Variants in SCAPER observed in about 807,000 individuals in gnomAD.
SCAPER encodes the protein S phase cyclin A-associated protein in the endoplasmic reticulum.
SCAPER carries 98 observed loss-of-function variants against 182.2 expected under a neutral mutation model. The ratio of observed to expected loss-of-function variants is 0.54; its 90% CI spans 0.46 to 0.64. The LOEUF (loss-of-function observed/expected upper bound fraction) is 0.64, where lower values mean the gene tolerates loss of function less well. Among genes scored for constraint, SCAPER ranks in the 30% least tolerant of loss-of-function variants. The pLI, the probability that SCAPER is intolerant of heterozygous loss-of-function variation, is 0.00. For missense variants in SCAPER, 1,432 were observed against 1,690.0 expected, an observed-to-expected ratio of 0.85 and a Z score of 2.68; for synonymous variants, 605 against 564.6, an observed-to-expected ratio of 1.07 and a Z score of -1.01.
intron 22 of SCAPER, among the ~76,000 whole-genome samples, chr15:76,621,376 A>G (rs921385716): frequency 3.3e-5 from 5 of 152,168 alleles, no homozygotes; most frequent in Non-Finnish European, 7.4e-5. Context: ...CCTTAAAGAG[A>G]TCTCCTCAGA....
At chr15:76,870,873 T>A (rs994715257) in intron 2 of SCAPER, among the ~76,000 whole-genome samples, 1 of 151,998 alleles carries the variant, frequency 6.6e-6, no homozygotes, top group African/African-American at 2.4e-5. Flanking sequence ...TGAATAAAAT[T>A]GTGAATTTTT....
intron 22 of SCAPER, among the ~76,000 whole-genome samples, chr15:76,605,887 T>C (rs1193383075): frequency 6.6e-6 from 1 of 152,226 alleles, no homozygotes; most frequent in Non-Finnish European, 1.5e-5. Context: ...TATCTTTTTT[T>C]ATTGCGTCTA....
chr15:76,664,633 G>C (rs1395938783), intron 21 of SCAPER, among the ~76,000 whole-genome samples: 1 of 152,034 alleles, frequency 6.6e-6, no homozygotes, highest in African/African-American at 2.4e-5. Context: ...ATTAAAAATA[G>C]ACAGGTTCAA....
At chr15:76,537,688 C>A (rs1038839407) in intron 23 of SCAPER, among the ~76,000 whole-genome samples, 5 of 151,862 alleles carry the variant, frequency 3.3e-5, no homozygotes, top group Admixed American at 6.6e-5. Context: ...ACACCAAAAG[C>A]AATGGCAACG....
At chr15:76,491,205 T>A (rs1293897263) in intron 24 of SCAPER, among the ~76,000 whole-genome samples, 1 of 152,226 alleles carries the variant, frequency 6.6e-6, no homozygotes, top group Non-Finnish European at 1.5e-5. Context: ...CAATACTGTT[T>A]CAATTACTGT....
At chr15:76,767,563 T>C (rs759581019) in intron 10 of SCAPER, among the ~76,000 whole-genome samples, 4 of 152,054 alleles carry the variant, frequency 2.6e-5, no homozygotes, top group Non-Finnish European at 4.4e-5. Context: ...AATAAAAATA[T>C]ACATGAGATT....
At chr15:76,434,005 G>C in intron 26 of SCAPER, 73 bp downstream of exon 26, 1 of 1,257,314 alleles carries the variant, frequency 8.0e-7, no homozygotes, top group Non-Finnish European at 1.1e-6. Context: ...CATCACATGG[G>C]CCTTGAGATT....
In SCAPER at chr15:76,729,295, TACACACACAC is replaced by T. The variant is rs57440824; in HGVS notation, c.2023-568_2023-559del. On this transcript the variant is annotated intron_variant, in intron 16 of 31. Coordinates refer to ENST00000563290, the MANE Select transcript of SCAPER (RefSeq NM_020843.4). ...ACACACACACACATATATATACACA[TACACACACAC>T]ACACACACACACACACACACATATA... 1.7e-4 allele frequency among the ~76,000 whole-genome samples: 25 copies of T among 144,194 alleles called. 2 individuals are homozygous for T. The highest frequency in any genetic ancestry group is 1.1e-3 in the South Asian group (5 of 4,514). The allele number at this position is 144,194 out of a possible 152,430, so 94.6% of individuals were successfully genotyped here.
chr15:76,581,240 ATATCAATCT>A (rs958864415), intron 22 of SCAPER, among the ~76,000 whole-genome samples: 1 of 152,230 alleles, frequency 6.6e-6, no homozygotes, highest in African/African-American at 2.4e-5. Flanking sequence ...TAAAGAAGTA[ATATCAATCT>A]TATCAATCTT....
At chr15:76,570,177 C>A (rs969589707) in intron 23 of SCAPER, among the ~76,000 whole-genome samples, 32 of 152,150 alleles carry the variant, frequency 2.1e-4, no homozygotes, top group African/African-American at 7.7e-4. Context: ...CAGCCACCTA[C>A]ATGATTTGAA....
chr15:76,661,200 A>G (rs1272159454), intron 21 of SCAPER, among the ~76,000 whole-genome samples: 1 of 152,146 alleles, frequency 6.6e-6, no homozygotes, highest in East Asian at 1.9e-4. Context: ...TAAATGTAAA[A>G]CCCAAAACTC....
At chr15:76,581,224 G>C (rs1597491808) in intron 22 of SCAPER, among the ~76,000 whole-genome samples, 1 of 152,092 alleles carries the variant, frequency 6.6e-6, no homozygotes, top group East Asian at 1.9e-4. Flanking sequence ...AGTTTAACCA[G>C]ATATTTAAAG....
At chr15:76,660,259 T>C (rs1179810241) in intron 21 of SCAPER, among the ~76,000 whole-genome samples, 1 of 152,050 alleles carries the variant, frequency 6.6e-6, no homozygotes, top group Non-Finnish European at 1.5e-5. Context: ...GCAAGGATGT[T>C]GAAGATAAAA....
chr15:76,414,685 A>G (rs567832219), intron 26 of SCAPER, among the ~76,000 whole-genome samples: 1 of 152,230 alleles, frequency 6.6e-6, no homozygotes, highest in Admixed American at 6.5e-5. Context: ...ATAAAGAGGA[A>G]TAATAATAAA....
intron 29 of SCAPER, among the ~76,000 whole-genome samples, chr15:76,364,877 G>A (rs1221201664): frequency 6.6e-6 from 1 of 151,986 alleles, no homozygotes; most frequent in African/African-American, 2.4e-5. Context: ...GACCCTGCCT[G>A]CCTCTTTAGT....
chr15:76,480,340 G>T (rs1324215756), intron 24 of SCAPER, among the ~76,000 whole-genome samples: 1 of 152,140 alleles, frequency 6.6e-6, no homozygotes, highest in Admixed American at 6.5e-5. Context: ...TTATTTAAAA[G>T]AATTATGTGA....
At chr15:76,877,897 A>C (rs2073278973) in intron 2 of SCAPER, among the ~76,000 whole-genome samples, 1 of 152,242 alleles carries the variant, frequency 6.6e-6, no homozygotes, top group Admixed American at 6.5e-5. Context: ...TATGAATGTT[A>C]AATTTCCACA....
chr15:76,561,556 C>A (rs889541847), intron 23 of SCAPER, among the ~76,000 whole-genome samples: 1 of 152,062 alleles, frequency 6.6e-6, no homozygotes, highest in South Asian at 2.1e-4. Context: ...TGCTATTTTA[C>A]CAGCTTTGAG....
intron 19 of SCAPER, among the ~76,000 whole-genome samples, chr15:76,702,493 G>A (rs2059012053): frequency 1.3e-5 from 2 of 152,048 alleles, no homozygotes; most frequent in Admixed American, 1.3e-4. Flanking sequence ...TGTCACCCAG[G>A]ATGGAGTGCA....
Sources: gnomAD v4.1 joint callset for allele counts (sites outside exome capture counted in the v4.1 genomes callset) on GRCh38, gnomAD v4.1.1 for gene constraint, MANE v1.5 for transcripts, NCBI Gene and HGNC (gene_info 2026-07-23, HGNC 2026-07-21) for gene names.